KCNQ3: variants seen among roughly 807,000 people sequenced by gnomAD.
KCNQ3 encodes the protein potassium voltage-gated channel subfamily KQT member 3.
A neutral mutation model predicts 92.5 loss-of-function variants in KCNQ3; 30 were observed. The ratio of observed to expected loss-of-function variants is 0.32; its 90% CI spans 0.24 to 0.44. The LOEUF (loss-of-function observed/expected upper bound fraction) is 0.44. KCNQ3 is among the 20% of genes least tolerant of loss of function. The pLI, the probability that KCNQ3 is intolerant of heterozygous loss-of-function variation, is 1.00. For synonymous variants in KCNQ3, 450 were observed against 468.8 expected (o/e 0.96, Z 0.52); for missense variants, 913 against 1,140.3 (o/e 0.80, Z 2.87).
intron 1 of KCNQ3, among the ~76,000 whole-genome samples, chr8:132,350,913 A>G (rs990149461): frequency 2.8e-4 from 43 of 152,064 alleles, no homozygotes; most frequent in Admixed American, 4.6e-4. Context: ...AACGAAGCAA[A>G]TCTATTCGTG....
Position 132,141,152 on chromosome 8 carries a change from T to C in KCNQ3, c.1442A>G (p.Tyr481Cys). The change falls in exon 10 of 15, where the codon TAC becomes TGC. Residue 481 changes from tyrosine (Y) to cysteine (C), a missense_variant. Around this residue, in one of 6 missense-constraint regions of KCNQ3, gnomAD observed 182 missense variants for 234.5 expected, o/e 0.78. Coordinates refer to ENST00000388996, the MANE Select transcript of KCNQ3 (RefSeq NM_004519.4). ...RFRTAFRMKA[Y>C]AFWQSSEDAG... ...ACCTTCAGAACTCTGCCAGAAAGCG[T>C]AGGCTTTCATGCGGAAGGCCGTGCG... 3 of 1,614,130 alleles carry C rather than the reference T, an allele frequency of 1.9e-6. No homozygotes were observed. Among genetic ancestry groups the C allele is most frequent in the African/African-American group, 1.3e-5 (1 of 75,042 alleles).
chr8:132,249,781 C>A (rs1815336883), intron 1 of KCNQ3, among the ~76,000 whole-genome samples: 1 of 152,194 alleles, frequency 6.6e-6, no homozygotes, highest in Non-Finnish European at 1.5e-5. Flanking sequence ...TGACGGGCTG[C>A]AGGTCCTGAG....
intron 1 of KCNQ3, among the ~76,000 whole-genome samples, chr8:132,403,413 A>G (rs977961794): frequency 2.6e-5 from 4 of 152,154 alleles, no homozygotes; most frequent in African/African-American, 9.7e-5. Flanking sequence ...CCCGCTCTTC[A>G]GGGAGCAGCC....
At chr8:132,156,389 T>C (rs927482867) in intron 9 of KCNQ3, among the ~76,000 whole-genome samples, 5 of 152,092 alleles carry the variant, frequency 3.3e-5, no homozygotes, top group African/African-American at 1.2e-4. Context: ...AGTCTAGTAG[T>C]CTGACTCTGG....
chr8:132,246,925 GC>G (rs1224746239), intron 1 of KCNQ3, among the ~76,000 whole-genome samples: 1 of 152,180 alleles, frequency 6.6e-6, no homozygotes, highest in Non-Finnish European at 1.5e-5. Context: ...AATACTGGCA[GC>G]CCCATCATAA....
chr8:132,154,193 G>GTTTTTTGTTTTTTTTT (rs1825726713), intron 9 of KCNQ3, among the ~76,000 whole-genome samples: 5 of 27,456 alleles, frequency 1.8e-4, no homozygotes, highest in African/African-American at 7.4e-4. Flanking sequence ...AAGGGTAAAA[G>GTTTTTTGTTTTTTTTT]TTTTTTTTTT....
chr8:132,288,463 C>A (rs558024990), intron 1 of KCNQ3, among the ~76,000 whole-genome samples: 1 of 152,270 alleles, frequency 6.6e-6, no homozygotes, highest in East Asian at 1.9e-4. Flanking sequence ...TTTTGGACTA[C>A]CTGTTCTTCA....
intron 9 of KCNQ3, among the ~76,000 whole-genome samples, chr8:132,147,507 A>T (rs1372202829): frequency 6.6e-6 from 1 of 152,102 alleles, no homozygotes; most frequent in African/African-American, 2.4e-5. Context: ...ATATTCCCAG[A>T]CTCTATAATG....
Position 132,121,076 on chromosome 8 carries a change from G to T in KCNQ3, c.*8186C>A, listed in dbSNP as rs1402052323. On this transcript the variant is annotated 3_prime_UTR_variant, in exon 15 of 15. Transcript: ENST00000388996. ...ACTAAAGGCCACTTGTGGAATAGTT[G>T]TGTTCCCCTGTAAGCCAGAATGTGA... 6.6e-6 allele frequency: 1 copy of T among 152,174 alleles called. No homozygotes were observed. Among genetic ancestry groups the T allele is most frequent in the Non-Finnish European group, 1.5e-5 (1 of 68,032 alleles). 9.4% of individuals were successfully genotyped at this position (152,174 alleles called of 1,614,324 possible). A position where few individuals can be genotyped will look rare whatever the true frequency, so the allele number is the denominator to read the frequency against.
rs1372234838 is a variant in KCNQ3 at position 132,191,530 on chromosome 8, A to G, written c.387-5349T>C. Among the ~76,000 whole-genome samples the G allele has an allele frequency of 2.7e-5, 4 of 150,342 alleles. 1 individual carries two copies. In the Admixed American group the frequency reaches 2.7e-4, roughly 10 times the overall value. On this transcript the variant is annotated intron_variant, in intron 1 of 14. Coordinates refer to ENST00000388996, the MANE Select transcript of KCNQ3 (RefSeq NM_004519.4). ...TATATGTATCTCTCTCTCTATATAT[A>G]TATATAATATATGGATGGATATATA...
intron 1 of KCNQ3, among the ~76,000 whole-genome samples, chr8:132,469,049 C>A (rs1288955479): frequency 6.6e-6 from 1 of 152,210 alleles, no homozygotes; most frequent in Non-Finnish European, 1.5e-5. Flanking sequence ...GTGACATCTG[C>A]AAAATCAGAG....
Position 132,216,212 on chromosome 8 carries a change from GCAACAGCAACTATGACCACAA to G in KCNQ3, c.387-30052_387-30032del, listed in dbSNP as rs536093638. Among the ~76,000 whole-genome samples the G allele has an allele frequency of 3.5e-3, 527 of 152,266 alleles. 2 individuals are homozygous for G. Among genetic ancestry groups the G allele is most frequent in the African/African-American group, 0.012 (499 of 41,538 alleles). Reference sequence around the variant, plus strand: ...ATGTAAAACAACAATGATGACAACAGCAACAGCAACTATGACCACAACAACAGCAACAAAACACAACTCTGA... The same window carrying G: ...ATGTAAAACAACAATGATGACAACAGCAACAGCAACAAAACACAACTCTGA... On this transcript the variant is annotated intron_variant, in intron 1 of 14. Coordinates refer to ENST00000388996, the MANE Select transcript of KCNQ3 (RefSeq NM_004519.4).
chr8:132,143,301 T>TA (rs1250374670), intron 9 of KCNQ3, among the ~76,000 whole-genome samples: 2 of 151,900 alleles, frequency 1.3e-5, no homozygotes, highest in Non-Finnish European at 2.9e-5. Context: ...GCCCATGGGC[T>TA]AAAAATAGTG....
intron 1 of KCNQ3, among the ~76,000 whole-genome samples, chr8:132,340,305 T>A (rs757641697): frequency 3.3e-5 from 5 of 152,198 alleles, no homozygotes; most frequent in Non-Finnish European, 7.3e-5. Context: ...TAAGGACGCA[T>A]GCACACATAT....
intron 1 of KCNQ3, among the ~76,000 whole-genome samples, chr8:132,205,159 G>T (rs1813617407): frequency 6.6e-6 from 1 of 152,154 alleles, no homozygotes; most frequent in Admixed American, 6.5e-5. Flanking sequence ...AGCTGGATGG[G>T]GTTGTGTGGT....
Position 132,336,009 on chromosome 8 carries a change from C to T in KCNQ3, c.386+144138G>A, listed in dbSNP as rs1012768557. Among the ~76,000 whole-genome samples, 8 of 152,308 alleles carry T rather than the reference C, an allele frequency of 5.3e-5. No homozygotes were observed. In the South Asian group the frequency reaches 1.7e-3, roughly 32 times the overall value. ...CTAATTTGTAGAGAAGAGGATCCTT[C>T]TCCAGCAGAACTCAAGTGTAGAAGG... On this transcript the variant is annotated intron_variant, in intron 1 of 14. Transcript: ENST00000388996.
rs557233424 is a variant in KCNQ3 at position 132,131,458 on chromosome 8, C to T, written c.1884+722G>A. On this transcript the variant is annotated intron_variant, in intron 14 of 14. Transcript: ENST00000388996. ...GCCTGCCCTCCTTCCGGCCTCTTCACGCAGGCAACCCACTGCCTGGACATT... is the reference window on the plus strand; with the variant it reads ...GCCTGCCCTCCTTCCGGCCTCTTCATGCAGGCAACCCACTGCCTGGACATT... Among the ~76,000 whole-genome samples the T allele has an allele frequency of 4.0e-4, 61 of 152,268 alleles. No homozygotes were observed. In the South Asian group the frequency reaches 7.5e-3, roughly 19 times the overall value.
chr8:132,408,588 C>A (rs909823405), intron 1 of KCNQ3, among the ~76,000 whole-genome samples: 1 of 152,182 alleles, frequency 6.6e-6, no homozygotes, highest in African/African-American at 2.4e-5. Flanking sequence ...GAAATTCCAG[C>A]AACTATTTTT....
intron 1 of KCNQ3, among the ~76,000 whole-genome samples, chr8:132,471,751 A>G (rs896583281): frequency 4.6e-5 from 7 of 152,204 alleles, no homozygotes; most frequent in African/African-American, 7.2e-5. Context: ...ACAGTCAACA[A>G]AACAAAAAAT....
Sources: allele counts gnomAD v4.1 joint callset (sites outside exome capture counted in the v4.1 genomes callset), GRCh38; gene constraint gnomAD v4.1.1; regional missense constraint gnomAD v4.1.1; transcripts MANE v1.5; gene names NCBI Gene and HGNC (gene_info 2026-07-23, HGNC 2026-07-21).